Variants in COLEC12 observed in about 807,000 individuals in gnomAD.
The protein encoded by COLEC12 is collectin-12.
Under a neutral mutation model 71.1 loss-of-function variants are expected in COLEC12, and 33 were observed. The observed-to-expected ratio is 0.46, with a 90% CI of 0.35 to 0.62. COLEC12 has a LOEUF of 0.62. Ranked by LOEUF, COLEC12 falls within the 20% of genes least tolerant of loss-of-function variation. COLEC12 has a pLI of 0.00. For synonymous variants in COLEC12, 350 were observed against 353.0 expected (o/e 0.99, Z 0.10); for missense variants, 765 against 916.1 (o/e 0.84, Z 2.13).
intron 2 of COLEC12, among the ~76,000 whole-genome samples, chr18:413,894 A>G: frequency 6.6e-6 from 1 of 152,266 alleles, no homozygotes; most frequent in East Asian, 1.9e-4. Context: ...GGGGAACACC[A>G]ATCATGAATG....
intron 2 of COLEC12, among the ~76,000 whole-genome samples, chr18:475,851 G>A (rs1917293272): frequency 6.6e-6 from 1 of 152,214 alleles, no homozygotes; most frequent in African/African-American, 2.4e-5. Flanking sequence ...GGGTTTGGAA[G>A]GAGGGAACGG....
chr18:481,433 A>G (rs1227945370), intron 1 of COLEC12, among the ~76,000 whole-genome samples: 1 of 152,200 alleles, frequency 6.6e-6, no homozygotes, highest in Non-Finnish European at 1.5e-5. Flanking sequence ...GGCCGGGCGC[A>G]GTGGCTCATG....
chr18:474,691 A>C (rs1334300995), intron 2 of COLEC12, among the ~76,000 whole-genome samples: 1 of 152,198 alleles, frequency 6.6e-6, no homozygotes, highest in Non-Finnish European at 1.5e-5. Context: ...CCAGATAAAG[A>C]GCTACTCTGT....
intron 3 of COLEC12, among the ~76,000 whole-genome samples, chr18:354,520 T>C (rs1420519659): frequency 1.3e-5 from 2 of 152,254 alleles, no homozygotes; most frequent in Non-Finnish European, 2.9e-5. Flanking sequence ...TTTCATTGAA[T>C]ATTCTTTTCT....
chr18:468,067 G>C (rs1917120774), intron 2 of COLEC12, among the ~76,000 whole-genome samples: 1 of 152,058 alleles, frequency 6.6e-6, no homozygotes, highest in African/African-American at 2.4e-5. Context: ...TTCGAGACCA[G>C]CCTGGCCAAT....
At chr18:361,318 C>T (rs1369441835) in intron 2 of COLEC12, among the ~76,000 whole-genome samples, 1 of 152,108 alleles carries the variant, frequency 6.6e-6, no homozygotes, top group African/African-American at 2.4e-5. Context: ...CACGATCTCT[C>T]CACTAGGCCA....
chr18:420,572 T>C (rs1916078535), intron 2 of COLEC12, among the ~76,000 whole-genome samples: 1 of 152,202 alleles, frequency 6.6e-6, no homozygotes, highest in Non-Finnish European at 1.5e-5. Flanking sequence ...GGATTATCTT[T>C]CCCTCAAGGT....
At chr18:467,359 G>A (rs1376246262) in intron 2 of COLEC12, among the ~76,000 whole-genome samples, 1 of 152,212 alleles carries the variant, frequency 6.6e-6, no homozygotes, top group Non-Finnish European at 1.5e-5. Flanking sequence ...ATACCCTTTT[G>A]TGTATATGGA....
At chr18:370,277 T>C (rs1339942531) in intron 2 of COLEC12, among the ~76,000 whole-genome samples, 1 of 152,228 alleles carries the variant, frequency 6.6e-6, no homozygotes, top group East Asian at 1.9e-4. Context: ...ACATATATAA[T>C]TTCATATGAT....
chr18:357,207 G>A (rs140259291), intron 3 of COLEC12, among the ~76,000 whole-genome samples, 193 bp downstream of exon 3: 1,595 of 152,238 alleles, frequency 0.01, 27 homozygotes, highest in African/African-American at 0.036. Context: ...TGAGTCAAAA[G>A]GAATTACTAT....
At chr18:476,710 T>G (rs1428721134) in intron 2 of COLEC12, among the ~76,000 whole-genome samples, 1 of 152,272 alleles carries the variant, frequency 6.6e-6, no homozygotes, top group African/African-American at 2.4e-5. Flanking sequence ...CCACGTGTGA[T>G]GCTTTTAATG....
In COLEC12 at chr18:408,615, A is replaced by G. The variant is rs1480867292; in HGVS notation, c.59-51093T>C. 6.6e-6 allele frequency among the ~76,000 whole-genome samples: 1 copy of G among 151,928 alleles called. No homozygotes were observed. Among genetic ancestry groups the G allele is most frequent in the East Asian group, 1.9e-4 (1 of 5,186 alleles). ...TTACCAAATATTGAGAAAAAGGAAAAAAAAAAAAGACAGGAAAATAAAAGC... is the reference window on the plus strand; with the variant it reads ...TTACCAAATATTGAGAAAAAGGAAAGAAAAAAAAGACAGGAAAATAAAAGC... On this transcript the variant is annotated intron_variant, in intron 2 of 9. Coordinates refer to ENST00000400256, the MANE Select transcript of COLEC12 (RefSeq NM_130386.3). The surrounding 1 kb of genome is among the most constrained non-coding windows in gnomAD (Gnocchi z 4.3).
chr18:332,259 G>C (rs118162784), intron 7 of COLEC12, among the ~76,000 whole-genome samples: 2,596 of 152,338 alleles, frequency 0.017, 51 homozygotes, highest in Non-Finnish European at 0.026. Context: ...TAAAGCCCAG[G>C]TGCTTGGTCA....
rs201265534 is a variant in COLEC12 at position 419,493 on chromosome 18, CTG to C, written c.58+61212_58+61213del. Among the ~76,000 whole-genome samples, 523 of 152,310 alleles carry C rather than the reference CTG, an allele frequency of 3.4e-3. 15 individuals carry two copies. The East Asian group carries it at 0.075, about 22-fold the overall frequency. ...AGTGCTGGATTACAGGTGAGAGCCA[CTG>C]TGCCCAGCCCTGTATATATTTTAAA... On this transcript the variant is annotated intron_variant, in intron 2 of 9. Coordinates refer to ENST00000400256, the MANE Select transcript of COLEC12 (RefSeq NM_130386.3).
intron 2 of COLEC12, among the ~76,000 whole-genome samples, chr18:474,675 C>T (rs926193039): frequency 1.4e-4 from 22 of 152,314 alleles, no homozygotes; most frequent in African/African-American, 4.8e-4. Flanking sequence ...GCAGAGGATA[C>T]AGGGGCCAGA....
At chr18:471,572 T>C (rs900545538) in intron 2 of COLEC12, among the ~76,000 whole-genome samples, 2 of 151,678 alleles carry the variant, frequency 1.3e-5, no homozygotes, top group African/African-American at 4.8e-5. Flanking sequence ...AATTATTTTA[T>C]GAATAAATCG....
intron 8 of COLEC12, among the ~76,000 whole-genome samples, chr18:330,859 A>G (rs1375037070): frequency 1.4e-5 from 2 of 148,002 alleles, no homozygotes; most frequent in East Asian, 3.9e-4. Flanking sequence ...GAGTAGGAAA[A>G]TCACACATTT....
intron 2 of COLEC12, among the ~76,000 whole-genome samples, chr18:401,334 TG>T (rs1369386649): frequency 6.6e-6 from 1 of 152,254 alleles, no homozygotes; most frequent in Non-Finnish European, 1.5e-5. Context: ...TCGTCCTGGC[TG>T]GTCTTTTAAA....
chr18:500,570 C>G lies in COLEC12; in HGVS notation c.-56G>C, dbSNP rs867321673. The G allele has an allele frequency of 8.3e-7, 1 of 1,211,586 alleles. No homozygotes were observed. The highest frequency in any genetic ancestry group is 1.0e-6 in the Non-Finnish European group (1 of 974,870). The allele number at this position is 1,211,586 out of a possible 1,614,324, so 75.1% of individuals were successfully genotyped here. ...GAGCTCCGCGCGAGCGCCGCGCAGCCGAGGAAGTCGTCCCGAGCGGCTGCT... is the reference window on the plus strand; with the variant it reads ...GAGCTCCGCGCGAGCGCCGCGCAGCGGAGGAAGTCGTCCCGAGCGGCTGCT... On this transcript the variant is annotated 5_prime_UTR_variant, in exon 1 of 10. Coordinates refer to ENST00000400256, the MANE Select transcript of COLEC12 (RefSeq NM_130386.3). This position sits in a 1 kb window ranked among gnomAD's most constrained non-coding sequence, Gnocchi z 5.3.
Sources: gnomAD v4.1 joint callset for allele counts (sites outside exome capture counted in the v4.1 genomes callset) on GRCh38, gnomAD v4.1.1 for gene constraint, Gnocchi (gnomAD v3.1) non-coding constraint, MANE v1.5 for transcripts, NCBI Gene and HGNC (gene_info 2026-07-23, HGNC 2026-07-21) for gene names.